The following VRK2 variants were observed in gnomAD, a reference collection of about 807,000 sequenced individuals.
VRK2 encodes serine/threonine-protein kinase VRK2.
VRK2 carries 60 observed loss-of-function variants against 57.6 expected under a neutral mutation model. That is an observed-to-expected ratio of 1.04 (90% CI 0.85 to 1.29). The LOEUF (loss-of-function observed/expected upper bound fraction) is 1.29, where lower values mean the gene tolerates loss of function less well. Ranked by LOEUF, VRK2 falls within the 50% of genes most tolerant of loss-of-function variation. The pLI, the probability that VRK2 is intolerant of heterozygous loss-of-function variation, is 0.00. For missense variants in VRK2, 705 were observed against 588.1 expected, an observed-to-expected ratio of 1.20 and a Z score of -2.06; for synonymous variants, 231 against 199.2, an observed-to-expected ratio of 1.16 and a Z score of -1.35.
intron 2 of VRK2, among the ~76,000 whole-genome samples, chr2:58,069,677 A>G (rs1039755465): frequency 6.6e-6 from 1 of 152,142 alleles, no homozygotes; most frequent in Non-Finnish European, 1.5e-5. Flanking sequence ...TGCTGCCGCC[A>G]CTGTCATCAC....
intron 8 of VRK2, 55 bp from the exon 9 acceptor site, chr2:58,131,753 A>G (rs1679220207): frequency 4.0e-6 from 6 of 1,499,202 alleles, no homozygotes; most frequent in South Asian, 2.8e-5. Context: ...AGATTTCTCC[A>G]TTTCTCAAGG....
chr2:57,921,503 C>G (rs763034773), intron 1 of VRK2, among the ~76,000 whole-genome samples: 2 of 151,974 alleles, frequency 1.3e-5, no homozygotes, highest in Non-Finnish European at 2.9e-5. Flanking sequence ...ATCCTGAAAA[C>G]ATTGTTCTGA....
intron 12 of VRK2, among the ~76,000 whole-genome samples, chr2:58,150,716 A>C (rs1051755185): frequency 6.6e-6 from 1 of 151,286 alleles, no homozygotes; most frequent in Non-Finnish European, 1.5e-5. Context: ...ATAAGGTGAA[A>C]GTTTAAATCA....
chr2:58,071,025 A>G (rs1395256955), intron 2 of VRK2, among the ~76,000 whole-genome samples: 1 of 152,024 alleles, frequency 6.6e-6, no homozygotes, highest in Non-Finnish European at 1.5e-5. Context: ...GTGTAGTTGT[A>G]TCTCATTGTT....
At chr2:57,946,034 C>G (rs1011089882) in intron 1 of VRK2, among the ~76,000 whole-genome samples, 3 of 152,080 alleles carry the variant, frequency 2.0e-5, no homozygotes, top group African/African-American at 7.2e-5. Flanking sequence ...AAGTAGCATT[C>G]TACAAGCGAG....
chr2:58,088,532 G>C, intron 6 of VRK2, 86 bp downstream of exon 6: 2 of 1,054,296 alleles, frequency 1.9e-6, no homozygotes, highest in South Asian at 2.6e-5. Context: ...GGAATTATTA[G>C]AGAATGAAGG....
At chr2:58,081,427 A>G (rs986484274) in intron 2 of VRK2, among the ~76,000 whole-genome samples, 2 of 151,880 alleles carry the variant, frequency 1.3e-5, no homozygotes, top group African/African-American at 2.4e-5. Context: ...AAATTTTATC[A>G]TATTTTGTAT....
intron 11 of VRK2, among the ~76,000 whole-genome samples, chr2:58,140,542 T>C (rs976829013): frequency 8.6e-5 from 13 of 152,010 alleles, no homozygotes; most frequent in African/African-American, 3.1e-4. Context: ...CTGATGCATG[T>C]ACAGTAAGAT....
chr2:58,113,761 C>A (rs1010757394), intron 7 of VRK2, among the ~76,000 whole-genome samples: 1 of 152,084 alleles, frequency 6.6e-6, no homozygotes, highest in Non-Finnish European at 1.5e-5. Context: ...GGGGCAGGGC[C>A]TTTTCACTTT....
intron 8 of VRK2, among the ~76,000 whole-genome samples, chr2:58,124,046 A>T (rs1573249637): frequency 6.6e-6 from 1 of 152,166 alleles, no homozygotes; most frequent in East Asian, 1.9e-4. Context: ...ATGGTATTGG[A>T]AACACATTTG....
intron 7 of VRK2, among the ~76,000 whole-genome samples, chr2:58,120,469 G>A (rs961286721): frequency 6.6e-5 from 10 of 151,670 alleles, no homozygotes; most frequent in Admixed American, 6.6e-4. Flanking sequence ...GGGATTACAA[G>A]CATGAGCCAC....
intron 1 of VRK2, among the ~76,000 whole-genome samples, chr2:57,981,404 C>T (rs1201688434): frequency 6.6e-6 from 1 of 152,178 alleles, no homozygotes; most frequent in Non-Finnish European, 1.5e-5. Flanking sequence ...GAAAAGTTTG[C>T]TGTTAACTTG....
intron 1 of VRK2, among the ~76,000 whole-genome samples, chr2:57,941,882 G>C (rs967775593): frequency 6.6e-6 from 1 of 152,104 alleles, no homozygotes; most frequent in African/African-American, 2.4e-5. Context: ...TTAATGTTAG[G>C]GCAAGTACAT....
intron 2 of VRK2, among the ~76,000 whole-genome samples, chr2:58,056,123 G>T (rs1429364263): frequency 1.3e-5 from 2 of 150,236 alleles, no homozygotes; most frequent in African/African-American, 4.9e-5. Flanking sequence ...GCTTCCTTCT[G>T]ATCACTTTAA....
chr2:58,009,088 G>A (rs142336383), intron 1 of VRK2, among the ~76,000 whole-genome samples: 104 of 152,170 alleles, frequency 6.8e-4, no homozygotes, highest in Middle Eastern at 6.8e-3. Context: ...TAAAGGCCTC[G>A]CCTTCTAATA....
chr2:58,143,089 G>C (rs775220845), intron 11 of VRK2, among the ~76,000 whole-genome samples: 13 of 151,532 alleles, frequency 8.6e-5, no homozygotes, highest in Non-Finnish European at 1.9e-4. Context: ...AGAATTTAAC[G>C]GTTTACAAAA....
chr2:58,043,302 T>C (rs1028165857), upstream of VRK2, among the ~76,000 whole-genome samples: 3 of 152,190 alleles, frequency 2.0e-5, no homozygotes, highest in Non-Finnish European at 4.4e-5. Context: ...TCTTTCTCTT[T>C]TGCCATTCTT....
chr2:58,151,782 A>G (rs1216685406), intron 12 of VRK2, among the ~76,000 whole-genome samples: 1 of 76,486 alleles, frequency 1.3e-5, no homozygotes, highest in Non-Finnish European at 2.4e-5. Flanking sequence ...GTCACTCTAG[A>G]GCAAGGGGTC....
At chr2:57,923,912 T>G (rs1015243388) in intron 1 of VRK2, among the ~76,000 whole-genome samples, 1 of 151,930 alleles carries the variant, frequency 6.6e-6, no homozygotes, top group Non-Finnish European at 1.5e-5. Flanking sequence ...TGGGGAGAGA[T>G]AGGGGTCTAG....
Sources: allele counts gnomAD v4.1 joint callset (sites outside exome capture counted in the v4.1 genomes callset), GRCh38; gene constraint gnomAD v4.1.1; transcripts MANE v1.5; gene names NCBI Gene and HGNC (gene_info 2026-07-23, HGNC 2026-07-21).